CAPN5: variants seen among roughly 807,000 people sequenced by gnomAD.
CAPN5 encodes the protein calpain 5, also known as calpain-5.
CAPN5 carries 54 observed loss-of-function variants against 73.0 expected under a neutral mutation model. The observed-to-expected ratio is 0.74, with a 90% CI of 0.59 to 0.93. The LOEUF (loss-of-function observed/expected upper bound fraction) is 0.93, where lower values mean the gene tolerates loss of function less well. CAPN5 is among the 40% of genes least tolerant of loss of function. The pLI, the probability that CAPN5 is intolerant of heterozygous loss-of-function variation, is 0.00. For missense variants in CAPN5, 785 were observed against 882.9 expected (o/e 0.89, Z 1.41); for synonymous variants, 335 against 356.9 (o/e 0.94, Z 0.69).
At chr11:77,119,369 C>T (rs781871094) in intron 9 of CAPN5, 3 of 578,960 alleles carry the variant, frequency 5.2e-6, no homozygotes, top group Non-Finnish European at 9.2e-6. Flanking sequence ...GAGCTCTCAG[C>T]CTGATTTCTT....
chr11:77,074,911 C>T (rs1318532125), intron 1 of CAPN5, among the ~76,000 whole-genome samples: 1 of 152,222 alleles, frequency 6.6e-6, no homozygotes, highest in Non-Finnish European at 1.5e-5. Context: ...CTGAGGCTCT[C>T]TCCCACTCGG....
chr11:77,100,117 G>A lies in CAPN5; in HGVS notation c.297+6304G>A, dbSNP rs1418238082. Among the ~76,000 whole-genome samples the A allele has an allele frequency of 3.9e-5, 6 of 152,194 alleles. No individual in the cohort carries two copies. The South Asian group carries it at 6.2e-4, about 16-fold the overall frequency. ...CTCCCAAGGTGCTGGGATTACAGGCGTGAGCCACTGTGCCCAGCCTTGTTT... is the reference window on the plus strand; with the variant it reads ...CTCCCAAGGTGCTGGGATTACAGGCATGAGCCACTGTGCCCAGCCTTGTTT... On this transcript the variant is annotated intron_variant, in intron 3 of 12. Transcript: ENST00000648180.
At chr11:77,079,601 G>A (rs1017368091) in intron 1 of CAPN5, among the ~76,000 whole-genome samples, 1 of 152,048 alleles carries the variant, frequency 6.6e-6, no homozygotes, top group East Asian at 1.9e-4. Flanking sequence ...AGACATTCTT[G>A]TACATGGTTT....
In CAPN5 at chr11:77,093,961, G is replaced by A. The variant is rs570412715; in HGVS notation, c.297+148G>A. On this transcript the variant is annotated intron_variant, in intron 3 of 12. Transcript: ENST00000648180. The stretch of plus-strand genomic sequence containing the variant: ...GGGGTGGGGGCCCCCAGTACTGGCC[G>A]AGCGTCGGAATTGCCATCCCTCACC... The A allele has an allele frequency of 1.0e-4, 116 of 1,137,794 alleles. 1 individual carries two copies. The highest frequency in any genetic ancestry group is 3.1e-4 in the South Asian group (20 of 63,884). 70.5% of individuals were successfully genotyped at this position (1,137,794 alleles called of 1,614,324 possible).
chr11:77,090,951 G>C (rs1555036424), intron 2 of CAPN5, among the ~76,000 whole-genome samples: 2 of 152,160 alleles, frequency 1.3e-5, no homozygotes, highest in African/African-American at 4.8e-5. Flanking sequence ...GGATGGATGA[G>C]ACCAGGCGGC....
intron 2 of CAPN5, chr11:77,088,200 A>C: frequency 9.4e-7 from 1 of 1,063,408 alleles, no homozygotes; most frequent in Non-Finnish European, 1.3e-6. Flanking sequence ...GGGACTAATG[A>C]ACAGACACTG....
At chr11:77,099,657 G>A (rs1555038369) in intron 3 of CAPN5, among the ~76,000 whole-genome samples, 1 of 151,130 alleles carries the variant, frequency 6.6e-6, no homozygotes, top group Non-Finnish European at 1.5e-5. Flanking sequence ...GCAGTGAGCC[G>A]AGATGGCAGC....
intron 1 of CAPN5, among the ~76,000 whole-genome samples, chr11:77,067,552 A>G (rs4944138): frequency 0.61 from 92,501 of 150,956 alleles, 28,545 homozygotes; most frequent in Middle Eastern, 0.68. Context: ...CGAGGCTCCT[A>G]CTGCCCCAGC....
At chr11:77,121,325 T>C (rs1950518398) in intron 10 of CAPN5, among the ~76,000 whole-genome samples, 1 of 152,216 alleles carries the variant, frequency 6.6e-6, no homozygotes. Context: ...CAATTTCCTG[T>C]CCCATGGGGG....
At position 77,115,442 on chromosome 11, in the gene CAPN5, A is replaced by G. The variant is rs782609164; in HGVS notation, c.747A>G (p.Val249=). Residue 249 remains valine (V), a synonymous_variant, in exon 6 of 13, where the codon GTA becomes GTG. Coordinates refer to ENST00000648180, the MANE Select transcript of CAPN5 (RefSeq NM_004055.5). ...AGGCCCGCCTGGCGTGCGGCCTGGT[A>G]AAGGGCCACGCATACGCCGTCACTG... ...DMEARLACGL[V]KGHAYAVTDV... is the part of the protein sequence containing the mutation. 3 of 1,611,118 alleles carry G rather than the reference A, an allele frequency of 1.9e-6. No individual in the cohort carries two copies. The highest frequency in any genetic ancestry group is 2.5e-6 in the Non-Finnish European group (3 of 1,178,312).
At chr11:77,105,423 G>A (rs1453790652) in intron 3 of CAPN5, among the ~76,000 whole-genome samples, 3 of 152,136 alleles carry the variant, frequency 2.0e-5, no homozygotes, top group Admixed American at 6.5e-5. Context: ...AGCTGCCTCC[G>A]TGTTGGGTGT....
At chr11:77,120,133 A>G (rs1055838295) in intron 9 of CAPN5, 1 of 152,208 alleles carries the variant, frequency 6.6e-6, no homozygotes, top group African/African-American at 2.4e-5. Context: ...TTACAGTCTC[A>G]AACTCCTGGA....
intron 10 of CAPN5, among the ~76,000 whole-genome samples, 170 bp from the exon 11 acceptor site, chr11:77,121,764 C>T (rs1950522428): frequency 6.6e-6 from 1 of 152,202 alleles, no homozygotes. Flanking sequence ...GCAGGAAGCC[C>T]ACAGGGCTTG....
intron 3 of CAPN5, among the ~76,000 whole-genome samples, chr11:77,110,341 G>C (rs1391236129): frequency 6.6e-6 from 1 of 152,146 alleles, no homozygotes; most frequent in African/African-American, 2.4e-5. Flanking sequence ...CACCTGCCTT[G>C]GCCTCCCATG....
At chr11:77,120,649 C>T (rs560316596) in intron 9 of CAPN5, 64 bp from the exon 10 acceptor site, 51 of 1,098,980 alleles carry the variant, frequency 4.6e-5, no homozygotes, top group Admixed American at 1.2e-4. Flanking sequence ...GAGGGGGAGG[C>T]GGGGTGGGCC....
intron 1 of CAPN5, among the ~76,000 whole-genome samples, chr11:77,073,619 T>A (rs1949935055): frequency 6.6e-6 from 1 of 152,082 alleles, no homozygotes; most frequent in Admixed American, 6.5e-5. Flanking sequence ...GAGACCCTGT[T>A]CCCCATACAC....
intron 2 of CAPN5, among the ~76,000 whole-genome samples, chr11:77,091,906 C>T (rs1272692766): frequency 6.6e-6 from 1 of 152,240 alleles, no homozygotes; most frequent in Non-Finnish European, 1.5e-5. Context: ...ACTTTACATA[C>T]ACTGATTCCT....
intron 4 of CAPN5, chr11:77,113,003 GAGGAATGTTGGTTA>G: frequency 1.6e-6 from 1 of 606,756 alleles, no homozygotes; most frequent in Admixed American, 2.9e-5. Flanking sequence ...CCTGTAAGGA[GAGGAATGTTGGTTA>G]CTCCCATTTT....
At chr11:77,078,015 G>T (rs1257575334) in intron 1 of CAPN5, among the ~76,000 whole-genome samples, 3 of 152,166 alleles carry the variant, frequency 2.0e-5, no homozygotes, top group African/African-American at 7.2e-5. Context: ...TCTGCAGGTT[G>T]TCTCTTCGTT....
Sources: allele counts gnomAD v4.1 joint callset (sites outside exome capture counted in the v4.1 genomes callset), GRCh38; gene constraint gnomAD v4.1.1; transcripts MANE v1.5; gene names NCBI Gene and HGNC (gene_info 2026-07-23, HGNC 2026-07-21).